Variants in FOXP1 observed in about 807,000 individuals in gnomAD.
The protein encoded by FOXP1 is forkhead box P1.
FOXP1 carries 15 observed loss-of-function variants against 98.2 expected under a neutral mutation model. The ratio of observed to expected loss-of-function variants is 0.15; its 90% confidence interval spans 0.10 to 0.24. FOXP1 has a LOEUF of 0.24. Ranked by LOEUF, FOXP1 falls within the 10% of genes least tolerant of loss-of-function variation. FOXP1 has a pLI of 1.00. For synonymous variants in FOXP1, 371 were observed against 314.5 expected (o/e 1.18, Z -1.90); for missense variants, 633 against 848.5 (o/e 0.75, Z 3.15).
At chr3:71,498,918 C>T (rs1028996019) in intron 2 of FOXP1, among the ~76,000 whole-genome samples, 2 of 152,222 alleles carry the variant, frequency 1.3e-5, no homozygotes, top group Non-Finnish European at 2.9e-5. Context: ...GCTAGAGGCT[C>T]TATCCCCACC....
intron 4 of FOXP1, among the ~76,000 whole-genome samples, chr3:71,347,910 C>G (rs2077474782): frequency 6.6e-6 from 1 of 151,802 alleles, no homozygotes; most frequent in African/African-American, 2.4e-5. Flanking sequence ...AGAGTTGTCC[C>G]TCATTATACA....
At chr3:71,116,223 A>C (rs2058365802) in intron 6 of FOXP1, among the ~76,000 whole-genome samples, 1 of 152,176 alleles carries the variant, frequency 6.6e-6, no homozygotes, top group Non-Finnish European at 1.5e-5. Flanking sequence ...GTCATGTATA[A>C]GTTTTTTTTT....
At chr3:71,401,342 AT>A (rs1476822774) in intron 3 of FOXP1, among the ~76,000 whole-genome samples, 1 of 152,172 alleles carries the variant, frequency 6.6e-6, no homozygotes, top group Non-Finnish European at 1.5e-5. Context: ...AAGAGGAATG[AT>A]AAAAGAGAGA....
rs548936114 is a variant in FOXP1, at chr3:71,056,872, T to C, written c.283-3099A>G. 2.6e-5 allele frequency among the ~76,000 whole-genome samples: 4 copies of C among 152,296 alleles called. No homozygotes were observed. The East Asian group carries it at 7.7e-4, about 29-fold the overall frequency. ...TAAGGCTTTAAATAGTTAAGAATTA[T>C]AGCCTATATATCCACTCCCTTAATT... On this transcript the variant is annotated intron_variant, in intron 7 of 20. Coordinates refer to ENST00000649528, the MANE Select transcript of FOXP1 (RefSeq NM_001349338.3).
At chr3:71,353,987 C>T (rs563241370) in intron 4 of FOXP1, among the ~76,000 whole-genome samples, 30 of 152,162 alleles carry the variant, frequency 2.0e-4, no homozygotes, top group African/African-American at 3.4e-4. Flanking sequence ...AGGACCGACA[C>T]ATCAAGTATA....
chr3:71,297,241 T>C (rs923668551), intron 5 of FOXP1, among the ~76,000 whole-genome samples: 3 of 152,194 alleles, frequency 2.0e-5, no homozygotes, highest in African/African-American at 7.2e-5. Context: ...ATGCACTTGA[T>C]AGTGATTATG....
chr3:71,323,506 T>C (rs1406585314), intron 4 of FOXP1, among the ~76,000 whole-genome samples: 5 of 152,164 alleles, frequency 3.3e-5, no homozygotes, highest in South Asian at 2.1e-4. Context: ...TATAATATGA[T>C]AACTTCTGTC....
At chr3:71,252,008 C>CA (rs1341267036) in intron 5 of FOXP1, among the ~76,000 whole-genome samples, 1 of 152,136 alleles carries the variant, frequency 6.6e-6, no homozygotes, top group Non-Finnish European at 1.5e-5. Context: ...GCTTTCTCTG[C>CA]AGTTAGGGAT....
intron 3 of FOXP1, among the ~76,000 whole-genome samples, chr3:71,454,279 G>A (rs79775932): frequency 1.0e-3 from 157 of 152,194 alleles, no homozygotes; most frequent in East Asian, 5.0e-3. Flanking sequence ...TAGGGTCGCC[G>A]GGGCTAATCT....
chr3:71,093,605 T>G (rs1320371193), intron 7 of FOXP1, among the ~76,000 whole-genome samples: 1 of 151,014 alleles, frequency 6.6e-6, no homozygotes, highest in African/African-American at 2.4e-5. Flanking sequence ...ATATAAGGAC[T>G]AAGAAATATG....
At chr3:71,295,879 T>A (rs2073236781) in intron 5 of FOXP1, among the ~76,000 whole-genome samples, 1 of 152,202 alleles carries the variant, frequency 6.6e-6, no homozygotes, top group Non-Finnish European at 1.5e-5. Flanking sequence ...TTAGTTTCCA[T>A]CTTGACATTC....
At chr3:71,235,928 A>G (rs2066733735) in intron 5 of FOXP1, among the ~76,000 whole-genome samples, 2 of 152,236 alleles carry the variant, frequency 1.3e-5, no homozygotes, top group Non-Finnish European at 2.9e-5. Flanking sequence ...TGTACTAGGT[A>G]AAGAACATAT....
intron 3 of FOXP1, among the ~76,000 whole-genome samples, chr3:71,452,506 A>C (rs1376929780): frequency 6.6e-6 from 1 of 152,182 alleles, no homozygotes; most frequent in Non-Finnish European, 1.5e-5. Flanking sequence ...GAGTTTCTAG[A>C]CATAATTTTA....
intron 3 of FOXP1, among the ~76,000 whole-genome samples, chr3:71,385,883 G>A (rs1057099271): frequency 6.6e-6 from 1 of 152,084 alleles, no homozygotes; most frequent in Non-Finnish European, 1.5e-5. Context: ...CACATCTCCA[G>A]CCCTGACTAT....
At chr3:70,994,357 G>A (rs1345992941) in intron 13 of FOXP1, among the ~76,000 whole-genome samples, 1 of 151,974 alleles carries the variant, frequency 6.6e-6, no homozygotes, top group Non-Finnish European at 1.5e-5. Context: ...AAGTAAACTG[G>A]GACAGTTGGT....
intron 3 of FOXP1, among the ~76,000 whole-genome samples, chr3:71,389,576 C>G (rs1373040490): frequency 6.6e-6 from 1 of 152,040 alleles, no homozygotes; most frequent in Admixed American, 6.5e-5. Context: ...AAAGAAAACA[C>G]GAAGAGCTTT....
At position 70,958,869 on chromosome 3, in the gene FOXP1, CA is replaced by C. The variant is rs2106845737; in HGVS notation, c.*377del. ...AGGCTTGGTCTGCAGCTTAGGTGCACAAGCTCTGTCGGGCGTCCTCAGTGTC... is the reference window on the plus strand; with the variant it reads ...AGGCTTGGTCTGCAGCTTAGGTGCACAGCTCTGTCGGGCGTCCTCAGTGTC... On this transcript the variant is annotated 3_prime_UTR_variant, in exon 21 of 21. Coordinates refer to ENST00000649528, the MANE Select transcript of FOXP1 (RefSeq NM_001349338.3). 2.5e-6 allele frequency: 1 copy of C among 399,564 alleles called. No individual in the cohort carries two copies. Among genetic ancestry groups the C allele is most frequent in the East Asian group, 4.3e-5 (1 of 23,126 alleles). The allele number at this position is 399,564 out of a possible 1,614,324, so 24.8% of individuals were successfully genotyped here. A position where few individuals can be genotyped will look rare whatever the true frequency, so the allele number is the denominator to read the frequency against.
intron 2 of FOXP1, among the ~76,000 whole-genome samples, chr3:71,546,061 G>C (rs930339396): frequency 6.6e-6 from 1 of 152,158 alleles, no homozygotes. Context: ...TTGTTCCATG[G>C]AGTATGTGTG....
rs145924248 is a variant in FOXP1 at position 71,555,552 on chromosome 3, T to C, written c.-298+25997A>G. Among the ~76,000 whole-genome samples the C allele has an allele frequency of 3.9e-3, 593 of 152,354 alleles. 3 individuals carry two copies. Among genetic ancestry groups the C allele is most frequent in the African/African-American group, 0.013 (543 of 41,578 alleles). ...ATAAACTGACATAAATAGTCACTTC[T>C]TTATATAATTATCTCATTTACTGCC... On this transcript the variant is annotated intron_variant, in intron 2 of 20. Coordinates refer to ENST00000649528, the MANE Select transcript of FOXP1 (RefSeq NM_001349338.3).
Sources: allele counts gnomAD v4.1 joint callset (sites outside exome capture counted in the v4.1 genomes callset), GRCh38; gene constraint gnomAD v4.1.1; transcripts MANE v1.5; gene names NCBI Gene and HGNC (gene_info 2026-07-23, HGNC 2026-07-21).